Variants in CFAP47 observed in about 807,000 individuals in gnomAD.
CFAP47 encodes cilia- and flagella-associated protein 47.
In CFAP47, 29 loss-of-function variants were observed where a neutral mutation model predicts 148.1. That is an observed-to-expected ratio of 0.20 (90% CI 0.15 to 0.27). CFAP47 has a LOEUF of 0.27. Among genes scored for constraint, CFAP47 ranks in the 10% least tolerant of loss-of-function variants. CFAP47 has a pLI of 1.00. For synonymous variants in CFAP47, 664 were observed against 577.3 expected (o/e 1.15, Z -2.15); for missense variants, 1,872 against 1,697.5 (o/e 1.10, Z -1.81).
At chrX:36,010,262 A>G (rs1427178587) in intron 21 of CFAP47, among the ~76,000 whole-genome samples, 1 of 111,375 alleles carries the variant, frequency 9.0e-6, no homozygotes, top group African/African-American at 3.3e-5. Flanking sequence ...ATTTTTATCA[A>G]TTTAAATTTC....
At chrX:36,280,455 T>G in intron 49 of CFAP47, 32 bp from the exon 50 acceptor site, 1 of 462,619 alleles carries the variant, frequency 2.2e-6, no homozygotes. Context: ...TAAACCCTGA[T>G]TAATAGGGCA....
intron 40 of CFAP47, 138 bp from the exon 41 acceptor site, chrX:36,188,482 G>T: frequency 1.8e-5 from 5 of 274,822 alleles, no homozygotes; most frequent in African/African-American, 2.8e-5. Flanking sequence ...AATAATATTT[G>T]AAATATGTCT....
intron 54 of CFAP47, 38 bp downstream of exon 54, chrX:36,303,998 T>C: frequency 1.5e-6 from 1 of 670,074 alleles, no homozygotes. Context: ...TTACTGCTGC[T>C]AGATCATTTT....
At position 36,206,071 on chromosome X, in the gene CFAP47, C is replaced by T. The variant is rs782576024; in HGVS notation, c.6817+961C>T. Among the ~76,000 whole-genome samples the T allele has an allele frequency of 4.5e-5, 5 of 111,704 alleles. No individual in the cohort carries two copies. The South Asian group carries it at 1.9e-3, about 42-fold the overall frequency. On this transcript the variant is annotated intron_variant, in intron 45 of 63. Coordinates refer to ENST00000378653, the MANE Select transcript of CFAP47 (RefSeq NM_001304548.2). ...AATAACAAGGAATTAAGAGTTAGGT[C>T]TGGTCTAAGGTAATAGGGATGATAG...
chrX:36,196,031 G>A (rs1340269662), intron 42 of CFAP47, among the ~76,000 whole-genome samples: 5 of 111,491 alleles, frequency 4.5e-5, no homozygotes, highest in African/African-American at 1.6e-4. Flanking sequence ...GGAATAATCT[G>A]TAAGGCCTGC....
intron 46 of CFAP47, among the ~76,000 whole-genome samples, chrX:36,230,408 C>G (rs1288492708): frequency 9.2e-6 from 1 of 109,283 alleles, no homozygotes. Context: ...TAAATGTCTT[C>G]TTTTGAGAAG....
chrX:36,291,533 A>T (rs1325098436), intron 51 of CFAP47, among the ~76,000 whole-genome samples: 1 of 110,791 alleles, frequency 9.0e-6, no homozygotes, highest in Non-Finnish European at 1.9e-5. Flanking sequence ...ATTATGAACT[A>T]TTCATGCCTC....
rs1555998213 is a variant in CFAP47, at chrX:36,251,385, C to T, written c.7385C>T (p.Pro2462Leu). The T allele has an allele frequency of 2.0e-6, 1 of 508,664 alleles. No homozygotes were observed. The allele number at this position is 508,664 out of a possible 1,213,427, so 41.9% of individuals were successfully genotyped here. The change falls in exon 49 of 64, where the codon CCT (proline) becomes CTT (leucine). Residue 2462 changes from proline (P) to leucine (L), a missense_variant. Physicochemically the swap from Pro to Leu is moderately conservative, Grantham distance 98 (BLOSUM62 -3). Coordinates refer to ENST00000378653, the MANE Select transcript of CFAP47 (RefSeq NM_001304548.2). ...VWGNPQITVYPYKEILYLIHV... is the reference protein window; with the variant it reads ...VWGNPQITVYLYKEILYLIHV... The stretch of plus-strand genomic sequence containing the variant: ...GGAAATCCACAAATTACAGTATACC[C>T]TTATAAAGAAATTCTGTACCTGATT...
In CFAP47 at chrX:36,150,662, T is replaced by C. The variant is rs183040233; in HGVS notation, c.5786+1439T>C. 5.2e-3 allele frequency among the ~76,000 whole-genome samples: 579 copies of C among 111,372 alleles called. 3 individuals are homozygous for C. Among genetic ancestry groups the C allele is most frequent in the African/African-American group, 0.017 (513 of 30,748 alleles). ...TTTAAATTGTACCTAAAATATCCTGTAACCCATTTTCAACAGTGCCCTTGT... is the reference window on the plus strand; with the variant it reads ...TTTAAATTGTACCTAAAATATCCTGCAACCCATTTTCAACAGTGCCCTTGT... On this transcript the variant is annotated intron_variant, in intron 37 of 63. Coordinates refer to ENST00000378653, the MANE Select transcript of CFAP47 (RefSeq NM_001304548.2).
intron 49 of CFAP47, among the ~76,000 whole-genome samples, chrX:36,257,509 C>T (rs991126206): frequency 1.8e-5 from 2 of 108,218 alleles, no homozygotes; most frequent in Non-Finnish European, 3.8e-5. Context: ...ACTGTAGCTT[C>T]GACCTCCTGG....
rs183881282 is a variant in CFAP47, at chrX:36,074,653, G to A, written c.4691+1289G>A. Among the ~76,000 whole-genome samples, 8 of 110,966 alleles carry A rather than the reference G, an allele frequency of 7.2e-5. No individual in the cohort carries two copies. The East Asian group carries it at 1.7e-3, about 23-fold the overall frequency. ...ATCATATATAATTATACGGTACACA[G>A]CGTTAATATGGTATATATATGTACA... On this transcript the variant is annotated intron_variant, in intron 29 of 63. Transcript: ENST00000378653.
chrX:35,974,790 G>A (rs1029993879), intron 13 of CFAP47, among the ~76,000 whole-genome samples: 1 of 111,248 alleles, frequency 9.0e-6, no homozygotes, highest in Admixed American at 9.7e-5. Context: ...ACCAGTTTCC[G>A]TAAATTATAG....
intron 30 of CFAP47, among the ~76,000 whole-genome samples, chrX:36,096,711 G>A (rs1441072165): frequency 2.8e-5 from 3 of 108,226 alleles, no homozygotes; most frequent in African/African-American, 1.0e-4. Flanking sequence ...TTTTCCATCC[G>A]TGTATGTTCA....
chrX:36,055,606 A>C (rs1202904094), intron 26 of CFAP47, among the ~76,000 whole-genome samples: 1 of 111,812 alleles, frequency 8.9e-6, no homozygotes, highest in Non-Finnish European at 1.9e-5. Flanking sequence ...TGTCTTTGCT[A>C]TTGTGAATAG....
chrX:36,215,247 C>T (rs782231240), intron 45 of CFAP47, among the ~76,000 whole-genome samples: 1 of 111,419 alleles, frequency 9.0e-6, no homozygotes, highest in Non-Finnish European at 1.9e-5. Context: ...CTGCAAAGTA[C>T]CCTTGAGCCA....
chrX:36,119,854 C>G (rs1193546432), intron 33 of CFAP47, among the ~76,000 whole-genome samples: 1 of 111,557 alleles, frequency 9.0e-6, no homozygotes, highest in Non-Finnish European at 1.9e-5. Flanking sequence ...TATAGTTGCT[C>G]ATAGTGTCTT....
intron 49 of CFAP47, among the ~76,000 whole-genome samples, chrX:36,267,669 G>A (rs997669032): frequency 7.2e-5 from 8 of 110,413 alleles, no homozygotes; most frequent in Non-Finnish European, 1.3e-4. Context: ...TGGTAGAGAC[G>A]GGGTTTCACC....
chrX:35,971,930 T>G lies in CFAP47; in HGVS notation c.2219T>G (p.Met740Arg), dbSNP rs200057497. The change falls in exon 13 of 64, where the codon ATG becomes AGG. Residue 740 changes from methionine (M) to arginine (R), a missense_variant. Met to Arg is a moderately conservative substitution (Grantham distance 91). Coordinates refer to ENST00000378653, the MANE Select transcript of CFAP47 (RefSeq NM_001304548.2). ...CAAGAAAAACATGATTGCAGCTTAA[T>G]GTTGACACCAAAGCAAATTCATCAA... is the stretch of plus-strand genomic sequence containing the variant. ...TPQEKHDCSL[M>R]LTPKQIHQVI... 21 of 1,196,170 alleles carry G rather than the reference T, an allele frequency of 1.8e-5. No individual in the cohort carries two copies. The highest frequency in any genetic ancestry group is 2.0e-5 in the Non-Finnish European group (18 of 885,167).
chrX:36,351,270 T>C (rs1468767077), intron 59 of CFAP47, among the ~76,000 whole-genome samples: 3 of 112,143 alleles, frequency 2.7e-5, no homozygotes, highest in Non-Finnish European at 5.6e-5. Context: ...TTCTTGACTT[T>C]AAAAAATCAA....
Sources: allele counts gnomAD v4.1 joint callset (sites outside exome capture counted in the v4.1 genomes callset), GRCh38; gene constraint gnomAD v4.1.1; transcripts MANE v1.5; gene names NCBI Gene and HGNC (gene_info 2026-07-23, HGNC 2026-07-21).